SIDT1: variants seen among roughly 807,000 people sequenced by gnomAD.
SIDT1 encodes the protein SID1 transmembrane family, member 1.
SIDT1 carries 101 observed loss-of-function variants against 107.5 expected under a neutral mutation model. The ratio of observed to expected loss-of-function variants is 0.94; its 90% CI spans 0.80 to 1.11. SIDT1 has a LOEUF of 1.11. Ranked by LOEUF, SIDT1 falls within the 50% of genes least tolerant of loss-of-function variation. The probability of loss-of-function intolerance (pLI) is 0.00; values close to 1 mark genes in which losing one functional copy is unlikely to be tolerated. For missense variants in SIDT1, 1,076 were observed against 1,058.2 expected (o/e 1.02, Z -0.23); for synonymous variants, 395 against 398.2 (o/e 0.99, Z 0.10).
chr3:113,582,715 G>A (rs1348750461), intron 6 of SIDT1, among the ~76,000 whole-genome samples: 5 of 152,152 alleles, frequency 3.3e-5, no homozygotes, highest in East Asian at 1.9e-4. Flanking sequence ...CAGCCTGGGC[G>A]ACATGAGCGA....
At chr3:113,544,076 GT>G (rs1939264029) in intron 1 of SIDT1, among the ~76,000 whole-genome samples, 1 of 151,418 alleles carries the variant, frequency 6.6e-6, no homozygotes, top group African/African-American at 2.4e-5. Flanking sequence ...ATGAAAAAAG[GT>G]TTTTTGTTTT....
rs1196159031 is a variant in SIDT1, at chr3:113,566,614, T to C, written c.344+73T>C. ...AATGTCCTAGAACTTAATTGGTCTT[T>C]TCCCTATTGAAAGGAAAAATCAGAC... On this transcript the variant is annotated intron_variant, in intron 2 of 24. Coordinates refer to ENST00000264852, the MANE Select transcript of SIDT1 (RefSeq NM_017699.3). 3.4e-5 allele frequency: 52 copies of C among 1,514,776 alleles called. No individual in the cohort carries two copies. In the East Asian group the frequency reaches 1.2e-3, roughly 35 times the overall value. The allele number at this position is 1,514,776 out of a possible 1,614,324, so 93.8% of individuals were successfully genotyped here. A position where few individuals can be genotyped will look rare whatever the true frequency, so the allele number is the denominator to read the frequency against.
chr3:113,593,125 T>G, intron 10 of SIDT1, 77 bp downstream of exon 10: 1 of 1,218,842 alleles, frequency 8.2e-7, no homozygotes, highest in Non-Finnish European at 1.2e-6. Flanking sequence ...TTCTTTTACC[T>G]CTCTGCCTTT....
chr3:113,615,119 G>C (rs971610522), intron 19 of SIDT1: 5 of 1,533,838 alleles, frequency 3.3e-6, no homozygotes, highest in Non-Finnish European at 4.4e-6. Context: ...GATTGTTTTT[G>C]TATCAAAGTG....
At position 113,626,215 on chromosome 3, in the gene SIDT1, G is replaced by A; in HGVS notation, c.2421G>A (p.Leu807=). 6.3e-7 allele frequency: 1 copy of A among 1,595,806 alleles called. No individual in the cohort carries two copies. The highest frequency in any genetic ancestry group is 8.6e-7 in the Non-Finnish European group (1 of 1,163,580). ...LSATALFFSF[L]VLLTLDDDLD... is the part of the protein sequence containing the mutation. ...CTACTGCTCTGTTTTTCTCATTCTT[G>A]GTGAGTTCATATCTATCTTTTTGTG... Residue 807 remains leucine, a splice_region_variant and synonymous_variant, in exon 24 of 25, where the codon TTG becomes TTA. Coordinates refer to ENST00000264852, the MANE Select transcript of SIDT1 (RefSeq NM_017699.3).
chr3:113,582,479 C>A (rs865910224), intron 6 of SIDT1, among the ~76,000 whole-genome samples: 2 of 152,156 alleles, frequency 1.3e-5, no homozygotes, highest in Admixed American at 1.3e-4. Flanking sequence ...GTATTTCTTT[C>A]TTTCTTGGCA....
intron 1 of SIDT1, 97 bp downstream of exon 1, chr3:113,533,340 C>A: frequency 1.0e-6 from 1 of 959,372 alleles, no homozygotes; most frequent in Non-Finnish European, 1.4e-6. Flanking sequence ...CCTTGGGAGA[C>A]TTCGGGGACC....
intron 3 of SIDT1, among the ~76,000 whole-genome samples, chr3:113,568,091 A>G (rs760775209): frequency 3.3e-5 from 5 of 152,128 alleles, no homozygotes; most frequent in Non-Finnish European, 7.4e-5. Context: ...TCTTGTCCTT[A>G]TTATTACTCC....
chr3:113,570,875 A>C (rs1052306423), intron 3 of SIDT1, among the ~76,000 whole-genome samples: 4 of 152,226 alleles, frequency 2.6e-5, no homozygotes, highest in African/African-American at 7.2e-5. Context: ...TAAGAACTGA[A>C]GGATCTTTGG....
rs115232128 is a variant in SIDT1, at chr3:113,563,718, G to A, written c.223-2702G>A. Among the ~76,000 whole-genome samples, 887 of 151,628 alleles carry A rather than the reference G, an allele frequency of 5.8e-3. 11 individuals carry two copies. Among genetic ancestry groups the A allele is most frequent in the South Asian group, 0.023 (111 of 4,756 alleles). Reference sequence around the variant, plus strand: ...GACATATGAACCAAATACAATGTATGGGTCTTGTTTGTGCCCAATTTTTTT... The same window carrying A: ...GACATATGAACCAAATACAATGTATAGGTCTTGTTTGTGCCCAATTTTTTT... On this transcript the variant is annotated intron_variant, in intron 1 of 24. Coordinates refer to ENST00000264852, the MANE Select transcript of SIDT1 (RefSeq NM_017699.3).
At chr3:113,574,537 G>A (rs915199891) in intron 3 of SIDT1, among the ~76,000 whole-genome samples, 2 of 152,064 alleles carry the variant, frequency 1.3e-5, no homozygotes, top group African/African-American at 4.8e-5. Context: ...ACTACTGAAA[G>A]TTTGTCCTGC....
intron 1 of SIDT1, among the ~76,000 whole-genome samples, chr3:113,557,600 G>T (rs1343329455): frequency 3.3e-5 from 5 of 152,168 alleles, no homozygotes; most frequent in Non-Finnish European, 7.3e-5. Flanking sequence ...ACTAAGGAAT[G>T]CCAAGGGTTC....
At position 113,613,121 on chromosome 3, in the gene SIDT1, T is replaced by C. The variant is rs150818742; in HGVS notation, c.1966+927T>C. On this transcript the variant is annotated intron_variant, in intron 19 of 24. Coordinates refer to ENST00000264852, the MANE Select transcript of SIDT1 (RefSeq NM_017699.3). Reference sequence around the variant, plus strand: ...CTTTTTTCTACCTCTGGTTGTGTCTTAAGGAGTCTCACAAGTGTGCATGTG... The same window carrying C: ...CTTTTTTCTACCTCTGGTTGTGTCTCAAGGAGTCTCACAAGTGTGCATGTG... Among the ~76,000 whole-genome samples, 415 of 152,360 alleles carry C rather than the reference T, an allele frequency of 2.7e-3. 2 individuals are homozygous for C. Among genetic ancestry groups the C allele is most frequent in the Admixed American group, 5.1e-3 (78 of 15,304 alleles).
chr3:113,543,043 C>T (rs892992104), intron 1 of SIDT1, among the ~76,000 whole-genome samples: 6 of 151,816 alleles, frequency 4.0e-5, no homozygotes, highest in Non-Finnish European at 8.8e-5. Context: ...CAGGTTCAAG[C>T]GATTCTCCTG....
At chr3:113,587,170 G>GA (rs980279502) in intron 9 of SIDT1, among the ~76,000 whole-genome samples, 14 of 151,460 alleles carry the variant, frequency 9.2e-5, no homozygotes, top group African/African-American at 2.2e-4. Flanking sequence ...AATGGTCCAG[G>GA]AAAAAAAAGT....
chr3:113,533,584 CGAA>C (rs1247083355), intron 1 of SIDT1, among the ~76,000 whole-genome samples: 2 of 152,158 alleles, frequency 1.3e-5, no homozygotes, highest in African/African-American at 4.8e-5. Flanking sequence ...GTGTGGAGTG[CGAA>C]GAAGAACCGC....
downstream of SIDT1, among the ~76,000 whole-genome samples, chr3:113,632,505 G>A (rs1309940766): frequency 3.3e-5 from 5 of 152,152 alleles, no homozygotes; most frequent in Admixed American, 1.3e-4. Flanking sequence ...TTTACTCTGC[G>A]TTTATCTCAA....
At chr3:113,611,232 A>T in intron 18 of SIDT1, 88 bp downstream of exon 18, 1 of 1,465,310 alleles carries the variant, frequency 6.8e-7, no homozygotes, top group South Asian at 1.3e-5. Flanking sequence ...ACGGGTTTGG[A>T]TTAACCAAAA....
chr3:113,571,228 C>T (rs111758600), intron 3 of SIDT1, among the ~76,000 whole-genome samples: 2 of 152,120 alleles, frequency 1.3e-5, no homozygotes, highest in African/African-American at 4.8e-5. Flanking sequence ...TCAAGACTGG[C>T]CTAGGCAACA....
Sources: allele counts gnomAD v4.1 joint callset (sites outside exome capture counted in the v4.1 genomes callset), GRCh38; gene constraint gnomAD v4.1.1; transcripts MANE v1.5; gene names NCBI Gene and HGNC (gene_info 2026-07-23, HGNC 2026-07-21).